The following OTX2 variants were observed in gnomAD, a reference collection of about 807,000 sequenced individuals.
The protein encoded by OTX2 is homeobox protein OTX2.
OTX2 carries 4 observed loss-of-function variants against 29.0 expected under a neutral mutation model. That is an observed-to-expected ratio of 0.14 (90% confidence interval 0.07 to 0.32). The LOEUF (loss-of-function observed/expected upper bound fraction) is 0.32. OTX2 is among the 10% of genes least tolerant of loss of function. The pLI, the probability that OTX2 is intolerant of heterozygous loss-of-function variation, is 1.00. For synonymous variants in OTX2, 134 were observed against 141.0 expected, an observed-to-expected ratio of 0.95 and a Z score of 0.35; for missense variants, 298 against 365.9, an observed-to-expected ratio of 0.81 and a Z score of 1.51.
intron 2 of OTX2, among the ~76,000 whole-genome samples, chr14:56,807,904 G>T (rs1892142870): frequency 6.6e-6 from 1 of 152,124 alleles, no homozygotes; most frequent in Non-Finnish European, 1.5e-5. Context: ...GTCGCGCGGC[G>T]AGTTCCGGCA....
At chr14:56,808,785 GCCTTCGCTCCC>G (rs1892177070) in intron 2 of OTX2, among the ~76,000 whole-genome samples, 3 of 152,354 alleles carry the variant, frequency 2.0e-5, no homozygotes, top group Admixed American at 2.0e-4. Flanking sequence ...GCGCCGCTCG[GCCTTCGCTCCC>G]CGCGCACCAG....
At position 56,804,407 on chromosome 14, in the gene OTX2, G is replaced by A. The variant is rs1892004987; in HGVS notation, c.98-44C>T. 6.4e-7 allele frequency: 1 copy of A among 1,574,736 alleles called. No homozygotes were observed. The highest frequency in any genetic ancestry group is 1.7e-5 in the Admixed American group (1 of 58,258). On this transcript the variant is annotated intron_variant, in intron 3 of 4. Transcript: ENST00000672264. The surrounding 1 kb of genome is among the most constrained non-coding windows in gnomAD (Gnocchi z 4.1). ...GTTTCTCAGTCATAGGCGTTTCCGC[G>A]GGTTCTCCGACGCCCCTGCCCTCCA...
Position 56,802,688 on chromosome 14 carries a change from T to C in OTX2, c.274-333A>G, listed in dbSNP as rs367968250. 9.2e-5 allele frequency among the ~76,000 whole-genome samples: 14 copies of C among 152,202 alleles called. No homozygotes were observed. The highest frequency in any genetic ancestry group is 2.7e-4 in the African/African-American group (11 of 41,450). On this transcript the variant is annotated intron_variant, in intron 4 of 4. Transcript: ENST00000672264. The surrounding 1 kb of genome is among the most constrained non-coding windows in gnomAD (Gnocchi z 4.4). The stretch of plus-strand genomic sequence containing the variant: ...ACACATACACATAGACCCAGCTATA[T>C]TTTGGAACACTCTCACAGAGGAATA...
Position 56,801,352 on chromosome 14 carries a change from G to A in OTX2, c.*383C>T, listed in dbSNP as rs1024531987. On this transcript the variant is annotated 3_prime_UTR_variant, in exon 5 of 5. Coordinates refer to ENST00000672264, the MANE Select transcript of OTX2 (RefSeq NM_021728.4). The surrounding 1 kb of genome is among the most constrained non-coding windows in gnomAD (Gnocchi z 4.2). ...CTGTTCATTCCTAAGATTCAACCAA[G>A]GATTGGCTAAAACAATGGAACACCT... 11 of 299,064 alleles carry A rather than the reference G, an allele frequency of 3.7e-5. No individual in the cohort carries two copies. Among genetic ancestry groups the A allele is most frequent in the African/African-American group, 2.2e-4 (10 of 46,318 alleles). The allele number at this position is 299,064 out of a possible 1,614,324, so 18.5% of individuals were successfully genotyped here.
In OTX2 at chr14:56,804,203, G is replaced by C; in HGVS notation, c.258C>G (p.Pro86=). The change falls in exon 4 of 5, where the codon CCC becomes CCG. Residue 86 remains proline (P), a synonymous_variant. Coordinates refer to ENST00000672264, the MANE Select transcript of OTX2 (RefSeq NM_021728.4). This position sits in a 1 kb window ranked among gnomAD's most constrained non-coding sequence, Gnocchi z 4.1. ...TCTGCCCTACCTGCACCCTCGACTC[G>C]GGCAAGTTGATTTTCAGTGCCACCT... The part of the protein sequence containing the change: ...REEVALKINL[P]ESRVQVWFKN... The C allele has an allele frequency of 6.2e-7, 1 of 1,614,108 alleles. No individual in the cohort carries two copies. Among genetic ancestry groups the C allele is most frequent in the African/African-American group, 1.3e-5 (1 of 75,004 alleles).
At position 56,805,499 on chromosome 14, in the gene OTX2, T is replaced by C. The variant is rs564618315; in HGVS notation, c.-43A>G. 1 of 1,361,320 alleles carries C rather than the reference T, an allele frequency of 7.3e-7. No individual in the cohort carries two copies. The highest frequency in any genetic ancestry group is 1.7e-5 in the Admixed American group (1 of 58,150). The allele number at this position is 1,361,320 out of a possible 1,614,324, so 84.3% of individuals were successfully genotyped here. On this transcript the variant is annotated 5_prime_UTR_variant, in exon 3 of 5. Transcript: ENST00000672264. Reference sequence around the variant, plus strand: ...GTGCAAAGTCGGCCCAAATCGGGGGTACCCAGCTGGAAGATCTTGATGCGC... The same window carrying C: ...GTGCAAAGTCGGCCCAAATCGGGGGCACCCAGCTGGAAGATCTTGATGCGC...
chr14:56,802,115 A>G lies in OTX2; in HGVS notation c.514T>C (p.Leu172=), dbSNP rs370354056. 6 of 1,614,070 alleles carry G rather than the reference A, an allele frequency of 3.7e-6. No homozygotes were observed. The highest frequency in any genetic ancestry group is 2.5e-6 in the Non-Finnish European group (3 of 1,180,042). ...TGCATGCAGGAAGAGGAGGTGGACAAGGGATCTGACAGTGGGGAGATGGAA... is the reference window on the plus strand; with the variant it reads ...TGCATGCAGGAAGAGGAGGTGGACAGGGGATCTGACAGTGGGGAGATGGAA... ...PASISPLSDP[L]STSSSCMQRS... The change falls in exon 5 of 5, where the codon TTG becomes CTG. Residue 172 remains leucine, a synonymous_variant. Coordinates refer to ENST00000672264, the MANE Select transcript of OTX2 (RefSeq NM_021728.4). The surrounding 1 kb of genome is among the most constrained non-coding windows in gnomAD (Gnocchi z 4.4).
intron 2 of OTX2, 104 bp from the exon 3 acceptor site, chr14:56,805,679 G>T (rs912498914): frequency 2.0e-5 from 11 of 548,352 alleles, no homozygotes; most frequent in Non-Finnish European, 3.3e-5. Context: ...CGGACTAGGC[G>T]AGGCAGAGGC....
Position 56,804,157 on chromosome 14 carries a change from G to C in OTX2, c.273+31C>G, listed in dbSNP as rs1289314696. The C allele has an allele frequency of 1.2e-6, 2 of 1,613,444 alleles. No homozygotes were observed. Among genetic ancestry groups the C allele is most frequent in the Non-Finnish European group, 1.7e-6 (2 of 1,179,416 alleles). Reference sequence around the variant, plus strand: ...ATACTCGGGAAGGGTGGCATGATCAGGAAGGATGGTTCTGCCTGCATCTGC... The same window carrying C: ...ATACTCGGGAAGGGTGGCATGATCACGAAGGATGGTTCTGCCTGCATCTGC... On this transcript the variant is annotated intron_variant, in intron 4 of 4. Transcript: ENST00000672264. This position sits in a 1 kb window ranked among gnomAD's most constrained non-coding sequence, Gnocchi z 4.1.
At chr14:56,807,730 C>T (rs1192017472) in intron 2 of OTX2, among the ~76,000 whole-genome samples, 1 of 152,264 alleles carries the variant, frequency 6.6e-6, no homozygotes, top group Non-Finnish European at 1.5e-5. Flanking sequence ...TAGGTATGCA[C>T]TCTGCATAGA....
In OTX2 at chr14:56,804,714, C is replaced by G. The variant is rs144988396; in HGVS notation, c.98-351G>C. Among the ~76,000 whole-genome samples the G allele has an allele frequency of 3.7e-3, 564 of 152,344 alleles. No individual in the cohort carries two copies. Among genetic ancestry groups the G allele is most frequent in the African/African-American group, 0.013 (546 of 41,586 alleles). Reference sequence around the variant, plus strand: ...CAAAGGATCTCCGAGGACAGACTGGCAGCTCGAATTGATGGGGGAAATCTG... The same window carrying G: ...CAAAGGATCTCCGAGGACAGACTGGGAGCTCGAATTGATGGGGGAAATCTG... On this transcript the variant is annotated intron_variant, in intron 3 of 4. Coordinates refer to ENST00000672264, the MANE Select transcript of OTX2 (RefSeq NM_021728.4). This position sits in a 1 kb window ranked among gnomAD's most constrained non-coding sequence, Gnocchi z 4.1.
In OTX2 at chr14:56,802,386, GT is replaced by G. The variant is rs1045809180; in HGVS notation, c.274-32del. 6.2e-7 allele frequency: 1 copy of G among 1,612,376 alleles called. No homozygotes were observed. The highest frequency in any genetic ancestry group is 8.5e-7 in the Non-Finnish European group (1 of 1,179,290). On this transcript the variant is annotated intron_variant, in intron 4 of 4. Coordinates refer to ENST00000672264, the MANE Select transcript of OTX2 (RefSeq NM_021728.4). This position sits in a 1 kb window ranked among gnomAD's most constrained non-coding sequence, Gnocchi z 4.4. ...AAGGGAAAGAAAATTCTTTAACTCG[GT>G]TTTGATAGTTCCTTAAGGACAAGAA...
chr14:56,809,590 G>A (rs1047724579), intron 2 of OTX2, among the ~76,000 whole-genome samples: 6 of 152,142 alleles, frequency 3.9e-5, no homozygotes, highest in African/African-American at 1.4e-4. Flanking sequence ...CGTTCAACAG[G>A]GGCCGACAGG....
rs1162992451 is a variant in OTX2, at chr14:56,804,958, T to A, written c.97+402A>T. 6.6e-6 allele frequency among the ~76,000 whole-genome samples: 1 copy of A among 151,830 alleles called. No homozygotes were observed. Among genetic ancestry groups the A allele is most frequent in the African/African-American group, 2.4e-5 (1 of 41,312 alleles). ...AGGGAACAACTGCGAAGCCCGAGAG[T>A]GCTAAGGACTTACGGAGGGAAAACT... is the stretch of plus-strand genomic sequence containing the variant. On this transcript the variant is annotated intron_variant, in intron 3 of 4. Coordinates refer to ENST00000672264, the MANE Select transcript of OTX2 (RefSeq NM_021728.4). The surrounding 1 kb of genome is among the most constrained non-coding windows in gnomAD (Gnocchi z 4.1).
Position 56,803,980 on chromosome 14 carries a change from CG to C in OTX2, c.273+207del, listed in dbSNP as rs767510468. On this transcript the variant is annotated intron_variant, in intron 4 of 4. Coordinates refer to ENST00000672264, the MANE Select transcript of OTX2 (RefSeq NM_021728.4). ...GATGGGTCTCTCTCCACCAGCAACC[CG>C]GGCCTTGAAGACCCTTGCTTACGGG... Among the ~76,000 whole-genome samples, 20 of 152,244 alleles carry C rather than the reference CG, an allele frequency of 1.3e-4. No individual in the cohort carries two copies. In the Middle Eastern group the frequency reaches 0.01, roughly 78 times the overall value.
rs2139530070 is a variant in OTX2, at chr14:56,802,641, T to C, written c.274-286A>G. On this transcript the variant is annotated intron_variant, in intron 4 of 4. Coordinates refer to ENST00000672264, the MANE Select transcript of OTX2 (RefSeq NM_021728.4). This position sits in a 1 kb window ranked among gnomAD's most constrained non-coding sequence, Gnocchi z 4.4. ...CTAAAAACTCTCCACATCACTTTCC[T>C]ATCTTATTTCGCCTCTAACACACAC... is the stretch of plus-strand genomic sequence containing the variant. Among the ~76,000 whole-genome samples, 1 of 152,322 alleles carries C rather than the reference T, an allele frequency of 6.6e-6. No individual in the cohort carries two copies. The highest frequency in any genetic ancestry group is 2.1e-4 in the South Asian group (1 of 4,828).
In OTX2 at chr14:56,802,445, G is replaced by A. The variant is rs1891927614; in HGVS notation, c.274-90C>T. On this transcript the variant is annotated intron_variant, in intron 4 of 4. Coordinates refer to ENST00000672264, the MANE Select transcript of OTX2 (RefSeq NM_021728.4). This position sits in a 1 kb window ranked among gnomAD's most constrained non-coding sequence, Gnocchi z 4.4. ...CGTATTATAAATCTATCCTACATGG[G>A]CAGATCAGCTAAACACACAATTTCC... 2.1e-6 allele frequency: 3 copies of A among 1,397,510 alleles called. No homozygotes were observed. Among genetic ancestry groups the A allele is most frequent in the South Asian group, 2.3e-5 (2 of 86,590 alleles). 86.6% of individuals were successfully genotyped at this position (1,397,510 alleles called of 1,614,324 possible).
intron 4 of OTX2, among the ~76,000 whole-genome samples, chr14:56,803,184 T>C (rs1470044881): frequency 6.6e-6 from 1 of 152,208 alleles, no homozygotes; most frequent in Non-Finnish European, 1.5e-5. Context: ...GGAGCTATGA[T>C]TGGTGTACGA....
rs1891933232 is a variant in OTX2, at chr14:56,802,578, C to T, written c.274-223G>A. 6.6e-6 allele frequency among the ~76,000 whole-genome samples: 1 copy of T among 152,074 alleles called. No individual in the cohort carries two copies. Among genetic ancestry groups the T allele is most frequent in the South Asian group, 2.1e-4 (1 of 4,818 alleles). On this transcript the variant is annotated intron_variant, in intron 4 of 4. Transcript: ENST00000672264. This position sits in a 1 kb window ranked among gnomAD's most constrained non-coding sequence, Gnocchi z 4.4. The stretch of plus-strand genomic sequence containing the variant: ...CACTTGACACTGTCTTATTTCTTGC[C>T]CAGAATAACATTTAAGATAATCCCC...
Sources: gnomAD v4.1 joint callset for allele counts (sites outside exome capture counted in the v4.1 genomes callset) on GRCh38, gnomAD v4.1.1 for gene constraint, Gnocchi (gnomAD v3.1) non-coding constraint, MANE v1.5 for transcripts, NCBI Gene and HGNC (gene_info 2026-07-23, HGNC 2026-07-21) for gene names.